The following ADAMTSL1 variants were observed in gnomAD, a reference collection of about 807,000 sequenced individuals.
The protein encoded by ADAMTSL1 is ADAMTS-like protein 1.
In ADAMTSL1, 126 loss-of-function variants were observed where a neutral mutation model predicts 201.8. The ratio of observed to expected loss-of-function variants is 0.62; its 90% CI spans 0.54 to 0.72. The LOEUF (loss-of-function observed/expected upper bound fraction) is 0.72. Among genes scored for constraint, ADAMTSL1 ranks in the 30% least tolerant of loss-of-function variants. ADAMTSL1 has a pLI of 0.00. For synonymous variants in ADAMTSL1, 1,121 were observed against 903.4 expected (o/e 1.24, Z -4.32); for missense variants, 2,679 against 2,277.8 (o/e 1.18, Z -3.59).
intron 2 of ADAMTSL1, among the ~76,000 whole-genome samples, chr9:18,459,624 CTTAG>C (rs1283878360): frequency 1.3e-5 from 2 of 152,112 alleles, no homozygotes; most frequent in Non-Finnish European, 2.9e-5. Flanking sequence ...CCCCATCTGG[CTTAG>C]TTAATCAGAC....
chr9:17,994,724 G>A (rs944622873), intron 1 of ADAMTSL1, among the ~76,000 whole-genome samples: 2 of 152,176 alleles, frequency 1.3e-5, no homozygotes, highest in African/African-American at 4.8e-5. Flanking sequence ...GAATAAGACA[G>A]TTCATTTACA....
chr9:18,041,112 G>A (rs1488479839), intron 1 of ADAMTSL1, among the ~76,000 whole-genome samples: 1 of 152,190 alleles, frequency 6.6e-6, no homozygotes, highest in Non-Finnish European at 1.5e-5. Context: ...ATCAGAAGCT[G>A]GTTGAAAAAC....
chr9:18,868,813 C>G (rs911221846), intron 23 of ADAMTSL1, among the ~76,000 whole-genome samples: 1 of 152,200 alleles, frequency 6.6e-6, no homozygotes, highest in Non-Finnish European at 1.5e-5. Context: ...GCCTCCGCCT[C>G]TTCAAACTCT....
rs147213581 is a variant in ADAMTSL1, at chr9:18,690,424, G to A, written c.1574+5624G>A. ...ATGTAGTGAACCAAACATCATTTATGGGTCCATATAGTGTTACTATTTATA... is the reference window on the plus strand; with the variant it reads ...ATGTAGTGAACCAAACATCATTTATAGGTCCATATAGTGTTACTATTTATA... On this transcript the variant is annotated intron_variant, in intron 13 of 28. Coordinates refer to ENST00000380548, the MANE Select transcript of ADAMTSL1 (RefSeq NM_001040272.6). Among the ~76,000 whole-genome samples the A allele has an allele frequency of 2.0e-5, 3 of 152,174 alleles. No homozygotes were observed. In the East Asian group the frequency reaches 5.8e-4, roughly 29 times the overall value.
intron 2 of ADAMTSL1, among the ~76,000 whole-genome samples, chr9:18,287,613 GTA>G: frequency 1.3e-5 from 1 of 77,686 alleles, no homozygotes; most frequent in South Asian, 5.8e-4. Context: ...ATGCATATAT[GTA>G]TGTGTATACA....
At chr9:18,770,393 C>G (rs1489410537) in intron 16 of ADAMTSL1, among the ~76,000 whole-genome samples, 1 of 152,122 alleles carries the variant, frequency 6.6e-6, no homozygotes. Context: ...TAGTTAAATA[C>G]CTGGGATTAA....
chr9:18,901,624 T>C (rs983992876), intron 26 of ADAMTSL1, among the ~76,000 whole-genome samples: 5 of 152,152 alleles, frequency 3.3e-5, no homozygotes, highest in Non-Finnish European at 7.4e-5. Flanking sequence ...GGATATTATA[T>C]GTAATCCCCA....
chr9:18,035,487 T>A (rs1821156487), intron 1 of ADAMTSL1, among the ~76,000 whole-genome samples: 1 of 152,212 alleles, frequency 6.6e-6, no homozygotes, highest in African/African-American at 2.4e-5. Flanking sequence ...GTCCGTTTAC[T>A]TGGGCTGGCA....
chr9:18,391,608 T>C (rs1211935292), intron 2 of ADAMTSL1, among the ~76,000 whole-genome samples: 1 of 152,138 alleles, frequency 6.6e-6, no homozygotes, highest in African/African-American at 2.4e-5. Flanking sequence ...ATTATATTCA[T>C]TGGCACAAGA....
chr9:18,362,049 G>C (rs1299452069), intron 2 of ADAMTSL1: 1 of 152,154 alleles, frequency 6.6e-6, no homozygotes, highest in Non-Finnish European at 1.5e-5. Context: ...AAGAATCTAG[G>C]AATATGTGGG....
chr9:18,907,589 C>T (rs1164325046), intron 28 of ADAMTSL1: 3 of 152,228 alleles, frequency 2.0e-5, no homozygotes, highest in Admixed American at 6.5e-5. Context: ...AAGTAAAAAC[C>T]AAATGTAGCT....
chr9:18,485,503 G>T (rs1459305396), intron 1 of ADAMTSL1, among the ~76,000 whole-genome samples: 3 of 152,196 alleles, frequency 2.0e-5, no homozygotes, highest in Non-Finnish European at 4.4e-5. Flanking sequence ...ATAGACCGAG[G>T]CAGAGCAGAG....
chr9:18,439,382 T>C (rs1819894774), intron 2 of ADAMTSL1, among the ~76,000 whole-genome samples: 1 of 152,246 alleles, frequency 6.6e-6, no homozygotes, highest in South Asian at 2.1e-4. Flanking sequence ...CTTTGTTTTG[T>C]TTTGGACGGA....
At chr9:18,507,844 C>T (rs998100436) in intron 2 of ADAMTSL1, among the ~76,000 whole-genome samples, 8 of 152,094 alleles carry the variant, frequency 5.3e-5, no homozygotes, top group Non-Finnish European at 7.3e-5. Flanking sequence ...TAGTCAGACC[C>T]ATTTACCCAG....
chr9:18,468,146 T>A (rs951264711), intron 2 of ADAMTSL1, among the ~76,000 whole-genome samples: 3 of 152,208 alleles, frequency 2.0e-5, no homozygotes, highest in African/African-American at 7.2e-5. Flanking sequence ...GTGCATTGCA[T>A]ACAGTAGGTG....
At chr9:18,187,405 T>G (rs7031744) in intron 2 of ADAMTSL1, among the ~76,000 whole-genome samples, 4 of 152,028 alleles carry the variant, frequency 2.6e-5, no homozygotes, top group Admixed American at 1.3e-4. Flanking sequence ...TAGGTTCACA[T>G]TGGGACTATT....
chr9:18,662,012 C>T lies in ADAMTSL1; in HGVS notation c.1024C>T (p.Pro342Ser), dbSNP rs1369588292. 1.2e-6 allele frequency: 2 copies of T among 1,614,014 alleles called. No homozygotes were observed. The highest frequency in any genetic ancestry group is 3.3e-5 in the Admixed American group (2 of 60,006). The change falls in exon 9 of 29, where the codon CCA becomes TCA. Residue 342 changes from proline (P) to serine (S), a missense_variant. Transcript: ENST00000380548. ...VVADQYCHYY[P>S]ENIKPKPKLQ... The stretch of plus-strand genomic sequence containing the variant: ...TGCTGACCAATACTGTCACTATTAC[C>T]CAGAGAACATCAAACCCAAACCCAA...
chr9:17,965,761 C>T (rs561290335), intron 1 of ADAMTSL1, among the ~76,000 whole-genome samples: 1 of 152,178 alleles, frequency 6.6e-6, no homozygotes, highest in East Asian at 1.9e-4. Flanking sequence ...AGTACCCATC[C>T]AAGTAAGTGT....
intron 13 of ADAMTSL1, among the ~76,000 whole-genome samples, chr9:18,690,691 C>T (rs1831156950): frequency 6.6e-6 from 1 of 152,150 alleles, no homozygotes; most frequent in Non-Finnish European, 1.5e-5. Context: ...TGAAAACTGG[C>T]ATATGGTAGA....
Sources: allele counts gnomAD v4.1 joint callset (sites outside exome capture counted in the v4.1 genomes callset), GRCh38; gene constraint gnomAD v4.1.1; transcripts MANE v1.5; gene names NCBI Gene and HGNC (gene_info 2026-07-23, HGNC 2026-07-21).